DCTN1: variants seen among roughly 807,000 people sequenced by gnomAD.
The protein encoded by DCTN1 is dynactin subunit 1.
In DCTN1, 61 loss-of-function variants were observed where a neutral mutation model predicts 161.2. The observed-to-expected ratio is 0.38, with a 90% CI of 0.31 to 0.47. The LOEUF (loss-of-function observed/expected upper bound fraction) is 0.47. Ranked by LOEUF, DCTN1 falls within the 20% of genes least tolerant of loss-of-function variation. The pLI is 0.99. For synonymous variants in DCTN1, 653 were observed against 632.4 expected (o/e 1.03, Z -0.49); for missense variants, 1,404 against 1,623.7 (o/e 0.86, Z 2.33).
intron 25 of DCTN1, 114 bp from the exon 26 acceptor site, chr2:74,365,355 G>A: frequency 6.4e-7 from 1 of 1,556,064 alleles, no homozygotes; most frequent in Non-Finnish European, 8.8e-7. Context: ...GGGCAGAGCA[G>A]CACAGGCTTA....
chr2:74,375,369 G>A (rs1675162086), intron 5 of DCTN1, among the ~76,000 whole-genome samples: 2 of 152,254 alleles, frequency 1.3e-5, no homozygotes, highest in South Asian at 4.1e-4. Flanking sequence ...ATGGGTGAGA[G>A]CAGGGGCCCT....
Position 74,372,787 on chromosome 2 carries a change from C to T in DCTN1, c.453+141G>A, listed in dbSNP as rs183987073. 7.7e-6 allele frequency: 7 copies of T among 907,886 alleles called. No homozygotes were observed. The East Asian group carries it at 1.7e-4, about 23-fold the overall frequency. 56.2% of individuals were successfully genotyped at this position (907,886 alleles called of 1,614,324 possible). ...AGGAGGTGCCTGCCAGCACTGCGAACCCCCACCCTTTCCTCTGAAGAGAAC... is the reference window on the plus strand; with the variant it reads ...AGGAGGTGCCTGCCAGCACTGCGAATCCCCACCCTTTCCTCTGAAGAGAAC... On this transcript the variant is annotated intron_variant, in intron 7 of 31. Transcript: ENST00000628224.
At position 74,361,590 on chromosome 2, in the gene DCTN1, G is replaced by A. The variant is rs72466496; in HGVS notation, c.3746C>T (p.Thr1249Ile). ...TCCAAAACCAGCCGCACATGAGAAG[G>A]TCACTTTGCCCATGTAGACTGTGTC... ...QDDTVYMGKV[T>I]FSCAAGFGQR... Residue 1249 changes from threonine to isoleucine, a missense_variant, in exon 32 of 32, where the codon ACC (threonine) becomes ATC (isoleucine). Physicochemically the swap from Thr to Ile is moderately conservative, Grantham distance 89 (BLOSUM62 -1). This residue lies in a region of DCTN1 where 311 missense variants were observed against 298.9 expected (regional missense o/e 1.04). Transcript: ENST00000628224. 7,627 of 1,614,110 alleles carry A rather than the reference G, an allele frequency of 4.7e-3. 31 individuals carry two copies. Among genetic ancestry groups the A allele is most frequent in the Non-Finnish European group, 5.9e-3 (7,002 of 1,180,016 alleles).
upstream of DCTN1, among the ~76,000 whole-genome samples, chr2:74,384,292 T>C (rs1558952969): frequency 6.6e-6 from 1 of 152,222 alleles, no homozygotes; most frequent in Admixed American, 6.5e-5. Flanking sequence ...TCAAATGACT[T>C]GCCCAAGTCT....
rs752651198 is a variant in DCTN1 at position 74,366,045 on chromosome 2, A to G, written c.2761-27T>C. On this transcript the variant is annotated intron_variant, in intron 23 of 31. Coordinates refer to ENST00000628224, the MANE Select transcript of DCTN1 (RefSeq NM_004082.5). ...TAAGGAATGGTCGGTAGGGGGTGAG[A>G]AAGTGAGGGTGGAGAGAAGAGATCA... is the stretch of plus-strand genomic sequence containing the variant. The G allele has an allele frequency of 2.5e-6, 4 of 1,614,144 alleles. No homozygotes were observed. The South Asian group carries it at 3.3e-5, about 13-fold the overall frequency.
intron 1 of DCTN1, 125 bp from the exon 2 acceptor site, chr2:74,378,370 C>A: frequency 7.9e-7 from 1 of 1,261,924 alleles, no homozygotes; most frequent in Non-Finnish European, 1.1e-6. Context: ...TCTTAAACCC[C>A]ATTTACAGAA....
chr2:74,378,164 C>A lies in DCTN1; in HGVS notation c.115G>T (p.Gly39Cys), dbSNP rs1675334167. 7.4e-6 allele frequency: 12 copies of A among 1,614,014 alleles called. No individual in the cohort carries two copies. Among genetic ancestry groups the A allele is most frequent in the African/African-American group, 2.7e-5 (2 of 74,934 alleles). The change falls in exon 2 of 32, where the codon GGC becomes TGC. Residue 39 changes from glycine to cysteine, a missense_variant. Physicochemically the swap from Gly to Cys is radical, Grantham distance 159. This residue lies in a region of DCTN1 where 18 missense variants were observed against 53.0 expected (regional missense o/e 0.34). Coordinates refer to ENST00000628224, the MANE Select transcript of DCTN1 (RefSeq NM_004082.5). The stretch of plus-strand genomic sequence containing the variant: ...ACATAGGCCACAGTGCCTCGGTGGC[C>A]TTTTCCAATCACCTCTACACGGGAG... ...VGSRVEVIGK[G>C]HRGTVAYVGA...
At position 74,361,576 on chromosome 2, in the gene DCTN1, C is replaced by T; in HGVS notation, c.3760G>A (p.Ala1254Thr). 6.2e-7 allele frequency: 1 copy of T among 1,614,014 alleles called. No homozygotes were observed. The highest frequency in any genetic ancestry group is 1.1e-5 in the South Asian group (1 of 91,072). The change falls in exon 32 of 32, where the codon GCT becomes ACT. Residue 1254 changes from alanine to threonine, a missense_variant. Transcript: ENST00000628224. ...AGCCGGTGTCGCTGTCCAAAACCAG[C>T]CGCACATGAGAAGGTCACTTTGCCC... ...YMGKVTFSCA[A>T]GFGQRHRLVL...
At chr2:74,374,194 C>G (rs1192384369) in intron 6 of DCTN1, 129 bp downstream of exon 6, 1 of 969,034 alleles carries the variant, frequency 1.0e-6, no homozygotes, top group Non-Finnish European at 1.6e-6. Context: ...CCCTAACCCA[C>G]CTTCGTCCTC....
At chr2:74,372,832 A>G in intron 7 of DCTN1, 96 bp downstream of exon 7, 1 of 1,273,506 alleles carries the variant, frequency 7.9e-7, no homozygotes, top group Non-Finnish European at 1.1e-6. Context: ...ACTATGACGA[A>G]CTTTCACTTG....
intron 6 of DCTN1, among the ~76,000 whole-genome samples, chr2:74,373,653 GCA>G (rs1252515063): frequency 1.3e-5 from 2 of 152,194 alleles, no homozygotes; most frequent in African/African-American, 4.8e-5. Flanking sequence ...GTGGGCAGCA[GCA>G]CAGAGAAACT....
intron 1 of DCTN1, among the ~76,000 whole-genome samples, chr2:74,387,404 T>C (rs73948793): frequency 2.6e-5 from 4 of 152,148 alleles, no homozygotes; most frequent in Non-Finnish European, 5.9e-5. Context: ...GAAACTCTTC[T>C]GAACTTCAGA....
upstream of DCTN1, among the ~76,000 whole-genome samples, chr2:74,382,526 G>A (rs972099392): frequency 6.6e-6 from 1 of 151,494 alleles, no homozygotes; most frequent in Non-Finnish European, 1.5e-5. Flanking sequence ...GCTTGAAGCC[G>A]GGAGGTGAAG....
intron 1 of DCTN1, among the ~76,000 whole-genome samples, chr2:74,379,219 T>C (rs1675394654): frequency 6.6e-6 from 1 of 152,190 alleles, no homozygotes; most frequent in Admixed American, 6.5e-5. Flanking sequence ...AGGTCATTTT[T>C]AGCAACAGCA....
intron 29 of DCTN1, 107 bp from the exon 30 acceptor site, chr2:74,362,836 TGA>T: frequency 1.5e-6 from 2 of 1,297,248 alleles, no homozygotes; most frequent in South Asian, 2.5e-5. Flanking sequence ...AACAAGTACT[TGA>T]GAGAGAGTGG....
chr2:74,369,256 G>T lies in DCTN1; in HGVS notation c.1585-42C>A. 1.2e-6 allele frequency: 2 copies of T among 1,614,160 alleles called. No homozygotes were observed. Among genetic ancestry groups the T allele is most frequent in the South Asian group, 2.2e-5 (2 of 91,086 alleles). ...TGAAGCACAGCTGGGTCATAAGGAA[G>T]CCCTGGGGTGATGGTGGGCAGAGAG... On this transcript the variant is annotated intron_variant, in intron 14 of 31. Transcript: ENST00000628224. The surrounding 1 kb of genome is among the most constrained non-coding windows in gnomAD (Gnocchi z 4.9).
At chr2:74,390,301 T>G (rs1189192689) in intron 1 of DCTN1, among the ~76,000 whole-genome samples, 3 of 152,240 alleles carry the variant, frequency 2.0e-5, no homozygotes, top group Admixed American at 6.5e-5. Flanking sequence ...TTCTTTCCTG[T>G]TTGATTGTTA....
chr2:74,370,615 C>T lies in DCTN1; in HGVS notation c.1048+6G>A, dbSNP rs758988178. On this transcript the variant is annotated splice_donor_region_variant and intron_variant, in intron 10 of 31. Transcript: ENST00000628224. This position sits in a 1 kb window ranked among gnomAD's most constrained non-coding sequence, Gnocchi z 4.4. The stretch of plus-strand genomic sequence containing the variant: ...GTTTGGCCCCCAGCAGCTGTGGGCC[C>T]CTTACCCTTCTCTTCAATCTCAGCC... 1.9e-6 allele frequency: 3 copies of T among 1,614,116 alleles called. No homozygotes were observed. The highest frequency in any genetic ancestry group is 3.3e-5 in the Admixed American group (2 of 60,028).
Position 74,368,002 on chromosome 2 carries a change from G to A in DCTN1, c.1984C>T (p.Leu662=). The change falls in exon 17 of 32, where the codon CTG becomes TTG. Residue 662 remains leucine, a synonymous_variant. Transcript: ENST00000628224. ...FAAGLVYSLS[L]LQATLHRYEH... ...TAGCGGTGTAGCGTGGCCTGCAGCAGGCTCAGCGAGTACACCAGTCCAGCA... is the reference window on the plus strand; with the variant it reads ...TAGCGGTGTAGCGTGGCCTGCAGCAAGCTCAGCGAGTACACCAGTCCAGCA... The A allele has an allele frequency of 6.2e-7, 1 of 1,614,222 alleles. No individual in the cohort carries two copies. The highest frequency in any genetic ancestry group is 8.5e-7 in the Non-Finnish European group (1 of 1,180,042).
Sources: allele counts gnomAD v4.1 joint callset (sites outside exome capture counted in the v4.1 genomes callset), GRCh38; gene constraint gnomAD v4.1.1; regional missense constraint gnomAD v4.1.1; non-coding constraint Gnocchi (gnomAD v3.1); transcripts MANE v1.5; gene names NCBI Gene and HGNC (gene_info 2026-07-23, HGNC 2026-07-21).